WDR90: variants seen among roughly 807,000 people sequenced by gnomAD.
WDR90 encodes the protein WD repeat-containing protein 90.
WDR90 carries 238 observed loss-of-function variants against 195.2 expected under a neutral mutation model. The observed-to-expected ratio is 1.22, with a 90% CI of 1.10 to 1.36. The LOEUF (loss-of-function observed/expected upper bound fraction) is 1.36. Among genes scored for constraint, WDR90 ranks in the 40% most tolerant of loss-of-function variants. WDR90 has a pLI of 0.00. For missense variants in WDR90, 2,734 were observed against 2,439.5 expected, an observed-to-expected ratio of 1.12 and a Z score of -2.54; for synonymous variants, 1,265 against 1,052.4, an observed-to-expected ratio of 1.20 and a Z score of -3.91.
chr16:653,675 G>C lies in WDR90; in HGVS notation c.1379+5G>C. 6.2e-7 allele frequency: 1 copy of C among 1,613,360 alleles called. No individual in the cohort carries two copies. Among genetic ancestry groups the C allele is most frequent in the East Asian group, 2.2e-5 (1 of 44,882 alleles). ...GCACGTTGTCTGCTCTCTCAGGTGA[G>C]CACAGGTCTGCCCCATGCAGGGGGA... On this transcript the variant is annotated splice_donor_5th_base_variant and intron_variant, in intron 12 of 40. Coordinates refer to ENST00000293879, the MANE Select transcript of WDR90 (RefSeq NM_145294.5).
In WDR90 at chr16:662,780, C is replaced by T. The variant is rs576866547; in HGVS notation, c.4247C>T (p.Thr1416Met). 116 of 1,607,506 alleles carry T rather than the reference C, an allele frequency of 7.2e-5. No homozygotes were observed. Among genetic ancestry groups the T allele is most frequent in the Middle Eastern group, 6.6e-4 (4 of 6,050 alleles). The change falls in exon 34 of 41, where the codon ACG (threonine) becomes ATG (methionine). Residue 1416 changes from threonine (T) to methionine (M), a missense_variant. Coordinates refer to ENST00000293879, the MANE Select transcript of WDR90 (RefSeq NM_145294.5). ...GGCGTCGTGGGCACCACGGCGGGCA[C>T]GCTGTGGTTTGTCAGCTGGGCCGAG... ...DMGVVGTTAG[T>M]LWFVSWAEGT...
chr16:652,056 C>T lies in WDR90; in HGVS notation c.1053+17C>T, dbSNP rs200587718. The stretch of plus-strand genomic sequence containing the variant: ...TCCTGCGAAGTGAGTGCCCATCCCA[C>T]AGCAGGCGGGGCCTGGTGAGGTGTG... On this transcript the variant is annotated intron_variant, in intron 9 of 40. Coordinates refer to ENST00000293879, the MANE Select transcript of WDR90 (RefSeq NM_145294.5). The T allele has an allele frequency of 7.7e-4, 1,214 of 1,574,824 alleles. 2 individuals carry two copies. The highest frequency in any genetic ancestry group is 7.2e-4 in the Admixed American group (40 of 55,714).
chr16:665,020 G>A (rs370060218), intron 34 of WDR90: 3 of 154,836 alleles, frequency 1.9e-5, no homozygotes, highest in Non-Finnish European at 4.3e-5. Flanking sequence ...GTTCCCACTT[G>A]CACTTAAAGT....
chr16:651,938 G>A lies in WDR90; in HGVS notation c.952G>A (p.Ala318Thr). ...GPGFHSLEPW[A>T]QLEASDIHTA... ...CGGTTTCCATAGCCTTGAGCCCTGGGCCCAGCTGGAGGCCTCTGACATCCA... is the reference window on the plus strand; with the variant it reads ...CGGTTTCCATAGCCTTGAGCCCTGGACCCAGCTGGAGGCCTCTGACATCCA... The change falls in exon 9 of 41, where the codon GCC becomes ACC. Residue 318 changes from alanine to threonine, a missense_variant. Coordinates refer to ENST00000293879, the MANE Select transcript of WDR90 (RefSeq NM_145294.5). 6.2e-7 allele frequency: 1 copy of A among 1,609,026 alleles called. No homozygotes were observed. The highest frequency in any genetic ancestry group is 8.5e-7 in the Non-Finnish European group (1 of 1,178,674).
intron 34 of WDR90, chr16:665,432 T>C (rs1452928532): frequency 4.9e-6 from 3 of 610,986 alleles, no homozygotes; most frequent in Middle Eastern, 3.0e-4. Context: ...CAGAACAGCT[T>C]TCTCCTCGGT....
In WDR90 at chr16:659,239, C is replaced by T. The variant is rs780406382; in HGVS notation, c.3053-6C>T. 6.0e-5 allele frequency: 97 copies of T among 1,611,630 alleles called. 1 individual carries two copies. The Middle Eastern group carries it at 1.2e-3, about 19-fold the overall frequency. On this transcript the variant is annotated splice_polypyrimidine_tract_variant and splice_region_variant and intron_variant, in intron 25 of 40. Transcript: ENST00000293879. ...CCCAAACATCACAGGGCTGCTTCTT[C>T]CCCAGGCCCGGGCGCAGGACCGCTG... is the stretch of plus-strand genomic sequence containing the variant.
At chr16:650,210 C>G in intron 3 of WDR90, 43 bp downstream of exon 3, 1 of 1,610,510 alleles carries the variant, frequency 6.2e-7, no homozygotes, top group Non-Finnish European at 8.5e-7. Context: ...GCCCCGGCAC[C>G]CCTGCGGCCC....
rs1456798415 is a variant in WDR90, at chr16:661,496, C to T, written c.3668C>T (p.Thr1223Ile). Residue 1223 changes from threonine to isoleucine, a missense_variant, in exon 30 of 41, where the codon ACA (threonine) becomes ATA (isoleucine). Coordinates refer to ENST00000293879, the MANE Select transcript of WDR90 (RefSeq NM_145294.5). ...AFSPDDRLLV[T>I]LGDHDGRTLA... ...TCACCAGATGACAGGCTTCTTGTCA[C>T]ACTGGGTCAGTGGGAGGGAGGGTGG... 2.5e-6 allele frequency: 4 copies of T among 1,603,022 alleles called. No individual in the cohort carries two copies. The highest frequency in any genetic ancestry group is 3.4e-6 in the Non-Finnish European group (4 of 1,173,058).
chr16:665,539 C>T (rs566910821), intron 34 of WDR90, 140 bp from the exon 35 acceptor site: 7 of 1,389,762 alleles, frequency 5.0e-6, no homozygotes, highest in South Asian at 1.2e-5. Flanking sequence ...TGCTCCTTTC[C>T]GCCATGTGGA....
chr16:660,775 T>C (rs1036336346), intron 28 of WDR90, 61 bp downstream of exon 28: 21 of 1,495,308 alleles, frequency 1.4e-5, no homozygotes, highest in African/African-American at 1.4e-5. Context: ...GGTCCAGCCG[T>C]CTCCACCCCA....
Position 662,672 on chromosome 16 carries a change from G to A in WDR90, c.4146-7G>A. The A allele has an allele frequency of 1.3e-6, 2 of 1,534,190 alleles. No homozygotes were observed. Among genetic ancestry groups the A allele is most frequent in the South Asian group, 1.3e-5 (1 of 78,748 alleles). On this transcript the variant is annotated splice_polypyrimidine_tract_variant and splice_region_variant and intron_variant, in intron 33 of 40. Coordinates refer to ENST00000293879, the MANE Select transcript of WDR90 (RefSeq NM_145294.5). Reference sequence around the variant, plus strand: ...TGTTCTCTCCTTCCCTGCACCCTGAGGTCCAGTTCTGTGTTCATGGAACAC... The same window carrying A: ...TGTTCTCTCCTTCCCTGCACCCTGAAGTCCAGTTCTGTGTTCATGGAACAC...
At chr16:652,433 C>T (rs758225835) in intron 9 of WDR90, 34 bp from the exon 10 acceptor site, 3 of 1,564,878 alleles carry the variant, frequency 1.9e-6, no homozygotes, top group Admixed American at 1.9e-5. Flanking sequence ...CCTGGCTGAG[C>T]CTCCCAGGAC....
chr16:651,165 C>G, intron 6 of WDR90, 34 bp from the exon 7 acceptor site: 1 of 1,613,024 alleles, frequency 6.2e-7, no homozygotes, highest in Non-Finnish European at 8.5e-7. Context: ...GGCCCTTGGG[C>G]CCCCAGACAC....
chr16:666,894 G>T lies in WDR90; in HGVS notation c.5005-11G>T, dbSNP rs1216306914. On this transcript the variant is annotated splice_polypyrimidine_tract_variant and intron_variant, in intron 39 of 40. Transcript: ENST00000293879. Reference sequence around the variant, plus strand: ...CCCACAGGCCTGGAGCCTCACGCTGGCTGCTCACAGGTGGTGGAGAAGATA... The same window carrying T: ...CCCACAGGCCTGGAGCCTCACGCTGTCTGCTCACAGGTGGTGGAGAAGATA... 6.2e-7 allele frequency: 1 copy of T among 1,613,128 alleles called. No individual in the cohort carries two copies.
chr16:662,376 G>T, intron 33 of WDR90, 45 bp downstream of exon 33: 1 of 1,538,078 alleles, frequency 6.5e-7, no homozygotes. Context: ...GTGGGTGTTG[G>T]TGTCCCTGAC....
At chr16:666,642 C>T in intron 38 of WDR90, 31 bp from the exon 39 acceptor site, 1 of 1,611,408 alleles carries the variant, frequency 6.2e-7, no homozygotes, top group East Asian at 2.2e-5. Flanking sequence ...GGTACCCATC[C>T]ACCCCACCGC....
intron 13 of WDR90, 52 bp downstream of exon 13, chr16:653,855 A>G (rs1207951006): frequency 2.5e-6 from 4 of 1,603,584 alleles, no homozygotes; most frequent in African/African-American, 2.7e-5. Context: ...ATGCACGCAG[A>G]CAGCTGGAAG....
chr16:657,044 C>A lies in WDR90; in HGVS notation c.2343-47C>A, dbSNP rs199516573. 53 of 1,588,172 alleles carry A rather than the reference C, an allele frequency of 3.3e-5. No homozygotes were observed. The Admixed American group carries it at 7.1e-4, about 21-fold the overall frequency. On this transcript the variant is annotated intron_variant, in intron 19 of 40. Coordinates refer to ENST00000293879, the MANE Select transcript of WDR90 (RefSeq NM_145294.5). Reference sequence around the variant, plus strand: ...CTGGAGGTCGAGGGAACCCATGGTACCTGGGCTTCGGGGCTAGGGCCAGCG... The same window carrying A: ...CTGGAGGTCGAGGGAACCCATGGTAACTGGGCTTCGGGGCTAGGGCCAGCG...
intron 34 of WDR90, among the ~76,000 whole-genome samples, chr16:664,090 G>A (rs2037971927): frequency 6.6e-6 from 1 of 152,186 alleles, no homozygotes; most frequent in African/African-American, 2.4e-5. Flanking sequence ...TTACTTTTCT[G>A]GAAGCAGGTT....
Sources: gnomAD v4.1 joint callset for allele counts (sites outside exome capture counted in the v4.1 genomes callset) on GRCh38, gnomAD v4.1.1 for gene constraint, MANE v1.5 for transcripts, NCBI Gene and HGNC (gene_info 2026-07-23, HGNC 2026-07-21) for gene names.